Variants in LIMCH1 observed in about 807,000 individuals in gnomAD.
LIMCH1 encodes the protein LIM and calponin homology domains-containing protein 1.
A neutral mutation model predicts 176.5 loss-of-function variants in LIMCH1; 113 were observed. The observed-to-expected ratio is 0.64, with a 90% CI of 0.55 to 0.75. The LOEUF (loss-of-function observed/expected upper bound fraction) is 0.75, where lower values mean the gene tolerates loss of function less well. Ranked by LOEUF, LIMCH1 falls within the 30% of genes least tolerant of loss-of-function variation. The probability of loss-of-function intolerance (pLI) is 0.00; values close to 1 mark genes in which losing one functional copy is unlikely to be tolerated. For missense variants in LIMCH1, 1,674 were observed against 1,814.9 expected (o/e 0.92, Z 1.41); for synonymous variants, 619 against 645.9 (o/e 0.96, Z 0.63).
intron 1 of LIMCH1, among the ~76,000 whole-genome samples, chr4:41,547,863 G>GTGTA (rs774873739): frequency 1.0e-3 from 93 of 93,220 alleles, no homozygotes; most frequent in East Asian, 2.0e-3. Flanking sequence ...TTGTGTGTGT[G>GTGTA]TATATATATA....
intron 1 of LIMCH1, among the ~76,000 whole-genome samples, chr4:41,460,470 A>C (rs943455317): frequency 1.4e-5 from 2 of 142,304 alleles, no homozygotes; most frequent in African/African-American, 5.5e-5. Context: ...ATATATATAT[A>C]TATATATATC....
chr4:41,663,711 T>C (rs1163689850), intron 20 of LIMCH1, among the ~76,000 whole-genome samples: 1 of 151,872 alleles, frequency 6.6e-6, no homozygotes, highest in Non-Finnish European at 1.5e-5. Context: ...TTGATTACTC[T>C]TGGGAATTTA....
At chr4:41,567,344 C>T (rs2082910100) in intron 1 of LIMCH1, among the ~76,000 whole-genome samples, 1 of 152,144 alleles carries the variant, frequency 6.6e-6, no homozygotes, top group Non-Finnish European at 1.5e-5. Context: ...CAATGCCTGG[C>T]ATGTTTGAGA....
At chr4:41,603,695 G>A (rs2090300872) in intron 2 of LIMCH1, among the ~76,000 whole-genome samples, 180 bp from the exon 3 acceptor site, 1 of 152,022 alleles carries the variant, frequency 6.6e-6, no homozygotes, top group South Asian at 2.1e-4. Context: ...TCTACATTTT[G>A]TTTCCTAATT....
chr4:41,573,791 G>A (rs888328268), intron 1 of LIMCH1, among the ~76,000 whole-genome samples: 17 of 152,126 alleles, frequency 1.1e-4, no homozygotes, highest in Non-Finnish European at 1.9e-4. Context: ...TTTTTGAGAC[G>A]TGTTGTCAGG....
At chr4:41,410,793 C>T (rs2154123308) in intron 1 of LIMCH1, among the ~76,000 whole-genome samples, 1 of 152,254 alleles carries the variant, frequency 6.6e-6, no homozygotes, top group South Asian at 2.1e-4. Flanking sequence ...TTCCTCAAGC[C>T]CATGCCTAGA....
At chr4:41,424,183 C>T (rs1318380495) in intron 1 of LIMCH1, among the ~76,000 whole-genome samples, 1 of 152,140 alleles carries the variant, frequency 6.6e-6, no homozygotes, top group Non-Finnish European at 1.5e-5. Flanking sequence ...CTCCCTCTCT[C>T]TTTCTCTCCC....
At chr4:41,490,410 G>A (rs1387482533) in intron 1 of LIMCH1, among the ~76,000 whole-genome samples, 4 of 151,990 alleles carry the variant, frequency 2.6e-5, no homozygotes, top group Non-Finnish European at 5.9e-5. Context: ...GGTTTTCCTA[G>A]GCAGAGGACC....
intron 1 of LIMCH1, among the ~76,000 whole-genome samples, chr4:41,571,130 G>C (rs953539626): frequency 2.0e-5 from 3 of 152,100 alleles, no homozygotes; most frequent in Admixed American, 6.5e-5. Context: ...CAGGAGAGCT[G>C]AGAAAGAAGA....
intron 19 of LIMCH1, 138 bp from the exon 20 acceptor site, chr4:41,662,683 G>A (rs2094667760): frequency 2.4e-5 from 21 of 879,936 alleles, no homozygotes; most frequent in Non-Finnish European, 3.7e-5. Flanking sequence ...TTATATCTCT[G>A]AGCACACTGT....
At position 41,520,026 on chromosome 4, in the gene LIMCH1, T is replaced by A. The variant is rs1051766331; in HGVS notation, c.168-4383T>A. Among the ~76,000 whole-genome samples, 16 of 152,378 alleles carry A rather than the reference T, an allele frequency of 1.1e-4. No individual in the cohort carries two copies. In the South Asian group the frequency reaches 3.3e-3, roughly 32 times the overall value. Reference sequence around the variant, plus strand: ...TCTATGCTCTCTGATACCTATGATTTTTAATAAGCAGAAATTTTCTATATG... The same window carrying A: ...TCTATGCTCTCTGATACCTATGATTATTAATAAGCAGAAATTTTCTATATG... On this transcript the variant is annotated intron_variant, in intron 2 of 26. Coordinates refer to the LIMCH1 transcript ENST00000313860.
intron 2 of LIMCH1, among the ~76,000 whole-genome samples, chr4:41,496,221 T>C (rs2072104221): frequency 6.6e-6 from 1 of 152,244 alleles, no homozygotes; most frequent in African/African-American, 2.4e-5. Context: ...CAGAGATTCT[T>C]GTAGGCATCC....
chr4:41,629,469 G>T, intron 8 of LIMCH1, 23 bp from the exon 9 acceptor site: 1 of 1,534,532 alleles, frequency 6.5e-7, no homozygotes, highest in Non-Finnish European at 8.7e-7. Context: ...CCATTGGTGT[G>T]GGGGCCCGGA....
At chr4:41,553,080 A>G (rs376898293) in intron 1 of LIMCH1, among the ~76,000 whole-genome samples, 5 of 152,192 alleles carry the variant, frequency 3.3e-5, no homozygotes, top group East Asian at 3.9e-4. Context: ...AGGCGCTACA[A>G]GAATCTCTTC....
At chr4:41,656,588 T>A (rs2094469672) in intron 18 of LIMCH1, among the ~76,000 whole-genome samples, 2 of 152,120 alleles carry the variant, frequency 1.3e-5, no homozygotes, top group South Asian at 4.2e-4. Flanking sequence ...TGATTCTCCA[T>A]ATAGATTCCC....
chr4:41,507,548 G>A (rs1285268632), intron 2 of LIMCH1, among the ~76,000 whole-genome samples: 1 of 152,172 alleles, frequency 6.6e-6, no homozygotes, highest in Non-Finnish European at 1.5e-5. Context: ...AATGCACCTA[G>A]CATTCCTATT....
At position 41,500,716 on chromosome 4, in the gene LIMCH1, C is replaced by T. The variant is rs146905482; in HGVS notation, c.167+6110C>T. Among the ~76,000 whole-genome samples the T allele has an allele frequency of 2.3e-3, 343 of 152,324 alleles. 3 individuals carry two copies. The highest frequency in any genetic ancestry group is 7.6e-3 in the African/African-American group (318 of 41,576). ...CACCAATATGACTATGTTGGGCACA[C>T]CTGCCCAAGGAAGGAGCTTCCAGTG... On this transcript the variant is annotated intron_variant, in intron 2 of 26. Transcript: ENST00000313860.
intron 4 of LIMCH1, chr4:41,609,789 A>G (rs2091212766): frequency 5.3e-6 from 2 of 375,988 alleles, no homozygotes; most frequent in Non-Finnish European, 1.1e-5. Flanking sequence ...GACAATGTTA[A>G]TTAGAGCCCA....
At chr4:41,665,773 G>A (rs574334843) in intron 20 of LIMCH1, among the ~76,000 whole-genome samples, 1 of 152,290 alleles carries the variant, frequency 6.6e-6, no homozygotes, top group South Asian at 2.1e-4. Context: ...TGGTAATCTG[G>A]TCTTTCAGCA....
Sources: allele counts gnomAD v4.1 joint callset (sites outside exome capture counted in the v4.1 genomes callset), GRCh38; gene constraint gnomAD v4.1.1; transcripts MANE v1.5; gene names NCBI Gene and HGNC (gene_info 2026-07-23, HGNC 2026-07-21).